CTNND2: variants seen among roughly 807,000 people sequenced by gnomAD.
CTNND2 encodes the protein catenin delta-2.
CTNND2 carries 22 observed loss-of-function variants against 144.4 expected under a neutral mutation model. The ratio of observed to expected loss-of-function variants is 0.15; its 90% CI spans 0.11 to 0.22. The LOEUF is 0.22. CTNND2 is among the 10% of genes least tolerant of loss of function. The pLI, the probability that CTNND2 is intolerant of heterozygous loss-of-function variation, is 1.00. For synonymous variants in CTNND2, 751 were observed against 695.6 expected (o/e 1.08, Z -1.25); for missense variants, 1,353 against 1,618.8 (o/e 0.84, Z 2.82).
intron 3 of CTNND2, among the ~76,000 whole-genome samples, chr5:11,486,566 AGGAGGACATT>A (rs531970348): frequency 1.1e-3 from 165 of 152,260 alleles, no homozygotes; most frequent in Non-Finnish European, 1.8e-3. Flanking sequence ...AAGAAACAAA[AGGAGGACATT>A]GGAGGGAGAG....
chr5:11,732,385 G>C, intron 1 of CTNND2, 113 bp from the exon 2 acceptor site: 1 of 962,530 alleles, frequency 1.0e-6, no homozygotes, highest in South Asian at 1.7e-5. Context: ...ATAAGCTGCT[G>C]AGAAAGACCA....
chr5:11,147,073 G>A lies in CTNND2; in HGVS notation c.2159+12503C>T, dbSNP rs1361940046. 2.6e-5 allele frequency among the ~76,000 whole-genome samples: 4 copies of A among 152,194 alleles called. No homozygotes were observed. In the East Asian group the frequency reaches 7.7e-4, roughly 29 times the overall value. ...TTCAGTCATTCACTCAGTCATTCAGGTAGGAGCTATTTATTCAGGATCTAC... is the reference window on the plus strand; with the variant it reads ...TTCAGTCATTCACTCAGTCATTCAGATAGGAGCTATTTATTCAGGATCTAC... On this transcript the variant is annotated intron_variant, in intron 12 of 21. Transcript: ENST00000304623.
chr5:11,888,299 G>A (rs961338639), intron 1 of CTNND2, among the ~76,000 whole-genome samples: 2 of 152,184 alleles, frequency 1.3e-5, no homozygotes, highest in African/African-American at 2.4e-5. Context: ...AAAGACCCAG[G>A]AAAGGTAGAA....
intron 11 of CTNND2, among the ~76,000 whole-genome samples, chr5:11,169,428 A>G (rs911460430): frequency 6.6e-6 from 1 of 152,250 alleles, no homozygotes; most frequent in African/African-American, 2.4e-5. Flanking sequence ...TTGGTAAAAA[A>G]TAGAGTCTGG....
In CTNND2 at chr5:11,193,296, G is replaced by A. The variant is rs143253552; in HGVS notation, c.1975+6152C>T. Among the ~76,000 whole-genome samples, 46 of 152,136 alleles carry A rather than the reference G, an allele frequency of 3.0e-4. No homozygotes were observed. The East Asian group carries it at 6.6e-3, about 22-fold the overall frequency. On this transcript the variant is annotated intron_variant, in intron 11 of 21. Coordinates refer to ENST00000304623, the MANE Select transcript of CTNND2 (RefSeq NM_001332.4). Reference sequence around the variant, plus strand: ...AATTCCTTTGAACCTTAATGTCTTCGGACTTCAACATGAAAGTGGATTTAA... The same window carrying A: ...AATTCCTTTGAACCTTAATGTCTTCAGACTTCAACATGAAAGTGGATTTAA...
chr5:11,228,899 A>G (rs1470796244), intron 10 of CTNND2, among the ~76,000 whole-genome samples: 1 of 152,200 alleles, frequency 6.6e-6, no homozygotes, highest in Admixed American at 6.5e-5. Context: ...TTTCTTTAAA[A>G]ACAAAAATGT....
chr5:11,668,170 T>A (rs1356198113), intron 2 of CTNND2, among the ~76,000 whole-genome samples: 3 of 152,230 alleles, frequency 2.0e-5, no homozygotes, highest in Non-Finnish European at 4.4e-5. Flanking sequence ...TACTGTAGCC[T>A]TGTAATATAG....
intron 3 of CTNND2, among the ~76,000 whole-genome samples, chr5:11,525,513 A>G (rs1237383015): frequency 2.6e-5 from 4 of 152,234 alleles, no homozygotes; most frequent in Non-Finnish European, 5.9e-5. Context: ...ATAACATTCC[A>G]TCACCTACCT....
intron 2 of CTNND2, among the ~76,000 whole-genome samples, chr5:11,680,334 C>T (rs1295921080): frequency 6.6e-6 from 1 of 152,166 alleles, no homozygotes; most frequent in African/African-American, 2.4e-5. Context: ...CCCCCACCCA[C>T]ACCCCCACAT....
At chr5:11,849,680 T>C (rs1207106230) in intron 1 of CTNND2, among the ~76,000 whole-genome samples, 1 of 152,354 alleles carries the variant, frequency 6.6e-6, no homozygotes, top group African/African-American at 2.4e-5. Flanking sequence ...CACCTCTCTA[T>C]GTATCTCAAA....
At chr5:11,899,646 G>C (rs1461330320) in intron 1 of CTNND2, among the ~76,000 whole-genome samples, 1 of 152,100 alleles carries the variant, frequency 6.6e-6, no homozygotes, top group Non-Finnish European at 1.5e-5. Flanking sequence ...ATTAGTACCT[G>C]TCTTAATATG....
chr5:11,742,883 T>G (rs1788093036), intron 1 of CTNND2, among the ~76,000 whole-genome samples: 1 of 152,196 alleles, frequency 6.6e-6, no homozygotes, highest in Non-Finnish European at 1.5e-5. Context: ...AGAACAGTAT[T>G]GAGCACCTCA....
intron 2 of CTNND2, among the ~76,000 whole-genome samples, chr5:11,692,709 C>T: frequency 6.6e-6 from 1 of 152,258 alleles, no homozygotes; most frequent in African/African-American, 2.4e-5. Context: ...TCAAGTGATT[C>T]TCCTGCCTCA....
chr5:11,443,743 G>A (rs953783911), intron 3 of CTNND2, among the ~76,000 whole-genome samples: 5 of 151,968 alleles, frequency 3.3e-5, no homozygotes, highest in African/African-American at 1.2e-4. Flanking sequence ...GAAATCACAT[G>A]AAATCAGGTC....
At chr5:11,378,773 A>G (rs1364234035) in intron 7 of CTNND2, among the ~76,000 whole-genome samples, 6 of 152,070 alleles carry the variant, frequency 3.9e-5, no homozygotes, top group African/African-American at 1.5e-4. Flanking sequence ...GCTTTCATCT[A>G]GGACTAGACT....
chr5:11,892,585 G>C (rs1560976121), intron 1 of CTNND2, among the ~76,000 whole-genome samples: 1 of 151,942 alleles, frequency 6.6e-6, no homozygotes, highest in Admixed American at 6.6e-5. Context: ...AAAAGAAAAA[G>C]GAAAGGCAAT....
intron 8 of CTNND2, 121 bp from the exon 9 acceptor site, chr5:11,346,748 A>T (rs964183931): frequency 1.1e-6 from 1 of 873,644 alleles, no homozygotes; most frequent in Non-Finnish European, 1.6e-6. Flanking sequence ...TCAAAAGAAT[A>T]AAAAAAATTA....
chr5:11,468,523 C>T (rs528514844), intron 3 of CTNND2, among the ~76,000 whole-genome samples: 1 of 152,258 alleles, frequency 6.6e-6, no homozygotes, highest in South Asian at 2.1e-4. Flanking sequence ...GCAGCAGGTT[C>T]CCAGATCTCT....
intron 11 of CTNND2, among the ~76,000 whole-genome samples, chr5:11,170,442 G>A (rs1047179905): frequency 3.3e-5 from 5 of 152,162 alleles, no homozygotes; most frequent in African/African-American, 9.7e-5. Flanking sequence ...ATGATATTTT[G>A]AAGTATATAC....
Sources: allele counts gnomAD v4.1 joint callset (sites outside exome capture counted in the v4.1 genomes callset), GRCh38; gene constraint gnomAD v4.1.1; transcripts MANE v1.5; gene names NCBI Gene and HGNC (gene_info 2026-07-23, HGNC 2026-07-21).